Variants in FSD1L observed in about 807,000 individuals in gnomAD.
FSD1L encodes the protein FSD1-like protein.
Under a neutral mutation model 71.6 loss-of-function variants are expected in FSD1L, and 45 were observed. The ratio of observed to expected loss-of-function variants is 0.63; its 90% CI spans 0.49 to 0.81. The LOEUF is 0.81. Among genes scored for constraint, FSD1L ranks in the 30% least tolerant of loss-of-function variants. The pLI, the probability that FSD1L is intolerant of heterozygous loss-of-function variation, is 0.00. For synonymous variants in FSD1L, 197 were observed against 207.2 expected, an observed-to-expected ratio of 0.95 and a Z score of 0.42; for missense variants, 561 against 618.1, an observed-to-expected ratio of 0.91 and a Z score of 0.98.
At chr9:105,482,488 C>T (rs1177548018) in intron 6 of FSD1L, among the ~76,000 whole-genome samples, 1 of 152,136 alleles carries the variant, frequency 6.6e-6, no homozygotes, top group Non-Finnish European at 1.5e-5. Context: ...TTACCTTGTG[C>T]TGGTAGAAAT....
intron 1 of FSD1L, among the ~76,000 whole-genome samples, chr9:105,452,669 G>GCCTTCCTGCCTT (rs1830102322): frequency 7.9e-4 from 76 of 96,242 alleles, no homozygotes; most frequent in Non-Finnish European, 1.3e-3. Context: ...CTGCCTGCCT[G>GCCTTCCTGCCTT]CCTTCCTTCC....
At chr9:105,517,160 GA>G (rs1834780094) in intron 10 of FSD1L, among the ~76,000 whole-genome samples, 1 of 152,146 alleles carries the variant, frequency 6.6e-6, no homozygotes, top group Non-Finnish European at 1.5e-5. Flanking sequence ...AAGGCTCCAA[GA>G]AATATGGGAC....
intron 10 of FSD1L, chr9:105,522,435 G>A: frequency 1.2e-6 from 2 of 1,613,698 alleles, no homozygotes; most frequent in African/African-American, 1.3e-5. Flanking sequence ...GCCTGGCCAA[G>A]CCCCAATGAG....
intron 1 of FSD1L, among the ~76,000 whole-genome samples, chr9:105,453,504 T>C (rs1159096003): frequency 1.4e-4 from 21 of 152,030 alleles, no homozygotes; most frequent in East Asian, 3.9e-4. Flanking sequence ...TGTGTGTGTG[T>C]GTGTGTGCGT....
intron 4 of FSD1L, among the ~76,000 whole-genome samples, chr9:105,468,934 C>T (rs1831255064): frequency 6.6e-6 from 1 of 152,088 alleles, no homozygotes; most frequent in Non-Finnish European, 1.5e-5. Context: ...AACTTATTTC[C>T]CCTTCTTACT....
intron 7 of FSD1L, among the ~76,000 whole-genome samples, chr9:105,494,027 C>T (rs889355924): frequency 2.0e-5 from 3 of 152,104 alleles, no homozygotes; most frequent in African/African-American, 7.2e-5. Context: ...CTCTGTATTT[C>T]CTTAATCTGA....
intron 10 of FSD1L, chr9:105,523,203 A>T: frequency 6.2e-7 from 1 of 1,613,240 alleles, no homozygotes; most frequent in Non-Finnish European, 8.5e-7. Flanking sequence ...TGCAACTATT[A>T]CTGGTTCAGA....
intron 5 of FSD1L, among the ~76,000 whole-genome samples, chr9:105,477,261 T>C (rs1023049456): frequency 6.6e-6 from 1 of 152,026 alleles, no homozygotes; most frequent in Non-Finnish European, 1.5e-5. Flanking sequence ...TTGAAACCAG[T>C]TAGGAAATAA....
Position 105,464,347 on chromosome 9 carries a change from G to T in FSD1L, c.207+16G>T. On this transcript the variant is annotated intron_variant, in intron 3 of 13. Coordinates refer to ENST00000481272, the MANE Select transcript of FSD1L (RefSeq NM_001145313.3). Reference sequence around the variant, plus strand: ...AGGAGTTCAGGTATGATTGTTTTATGAAAAATTTTGTGTAAATATGTCACA... The same window carrying T: ...AGGAGTTCAGGTATGATTGTTTTATTAAAAATTTTGTGTAAATATGTCACA... 7.8e-7 allele frequency: 1 copy of T among 1,275,348 alleles called. No homozygotes were observed. The highest frequency in any genetic ancestry group is 1.4e-5 in the South Asian group (1 of 70,202). 79.0% of individuals were successfully genotyped at this position (1,275,348 alleles called of 1,614,324 possible).
chr9:105,507,638 TC>T (rs927464889), intron 8 of FSD1L, among the ~76,000 whole-genome samples: 1 of 152,212 alleles, frequency 6.6e-6, no homozygotes, highest in Non-Finnish European at 1.5e-5. Flanking sequence ...CTGCTTTACT[TC>T]CTCTTTAAAT....
At chr9:105,482,279 TTA>T (rs1244399180) in intron 6 of FSD1L, among the ~76,000 whole-genome samples, 1 of 152,158 alleles carries the variant, frequency 6.6e-6, no homozygotes, top group African/African-American at 2.4e-5. Context: ...CTCTATAACT[TTA>T]TAGAATTACT....
At chr9:105,470,637 CAT>C (rs1466710436) in intron 4 of FSD1L, among the ~76,000 whole-genome samples, 1 of 152,018 alleles carries the variant, frequency 6.6e-6, no homozygotes, top group Non-Finnish European at 1.5e-5. Flanking sequence ...TGGAAAAACA[CAT>C]ATGTTGTCTT....
chr9:105,496,849 A>C (rs1021946183), intron 7 of FSD1L, among the ~76,000 whole-genome samples: 12 of 152,154 alleles, frequency 7.9e-5, no homozygotes, highest in Non-Finnish European at 1.6e-4. Context: ...TTTCTTCCCA[A>C]CCTGAATACC....
intron 2 of FSD1L, 53 bp downstream of exon 2, chr9:105,461,668 T>G (rs1238820592): frequency 9.6e-7 from 1 of 1,039,912 alleles, no homozygotes; most frequent in East Asian, 2.6e-5. Flanking sequence ...TGATTCAAAA[T>G]TAGAGCATTT....
intron 8 of FSD1L, 25 bp downstream of exon 8, chr9:105,506,633 C>G (rs1457547128): frequency 3.6e-6 from 5 of 1,389,720 alleles, no homozygotes; most frequent in Non-Finnish European, 5.0e-6. Flanking sequence ...TTTTAGGACT[C>G]TCATTCTCAG....
At chr9:105,452,593 G>A (rs1295390375) in intron 1 of FSD1L, among the ~76,000 whole-genome samples, 1 of 151,178 alleles carries the variant, frequency 6.6e-6, no homozygotes, top group African/African-American at 2.4e-5. Flanking sequence ...ATAAAGCAGG[G>A]TTCCCTCCCT....
chr9:105,499,203 C>T (rs1012847436), intron 7 of FSD1L, among the ~76,000 whole-genome samples: 1 of 152,140 alleles, frequency 6.6e-6, no homozygotes, highest in Non-Finnish European at 1.5e-5. Flanking sequence ...GATTTTCTGC[C>T]TCTCTCCCAT....
chr9:105,500,251 C>T (rs1460962465), intron 7 of FSD1L, among the ~76,000 whole-genome samples: 2 of 152,144 alleles, frequency 1.3e-5, no homozygotes, highest in East Asian at 1.9e-4. Context: ...TGTAAACTGG[C>T]CTTTATTAAT....
chr9:105,540,913 GGGGAGTTGT>G (rs1836570923), intron 13 of FSD1L, among the ~76,000 whole-genome samples: 1 of 152,070 alleles, frequency 6.6e-6, no homozygotes, highest in African/African-American at 2.4e-5. Flanking sequence ...AGGTTCCCGT[GGGGAGTTGT>G]GGGATCCAGT....
Sources: gnomAD v4.1 joint callset for allele counts (sites outside exome capture counted in the v4.1 genomes callset) on GRCh38, gnomAD v4.1.1 for gene constraint, MANE v1.5 for transcripts, NCBI Gene and HGNC (gene_info 2026-07-23, HGNC 2026-07-21) for gene names.